The following RSPO3 variants were observed in gnomAD, a reference collection of about 807,000 sequenced individuals.
RSPO3 encodes R-spondin-3.
RSPO3 carries 17 observed loss-of-function variants against 36.5 expected under a neutral mutation model. The observed-to-expected ratio is 0.47, with a 90% confidence interval of 0.32 to 0.70. The LOEUF (loss-of-function observed/expected upper bound fraction) is 0.70. Among genes scored for constraint, RSPO3 ranks in the 30% least tolerant of loss-of-function variants. RSPO3 has a pLI of 0.04. For missense variants in RSPO3, 294 were observed against 322.5 expected (o/e 0.91, Z 0.68); for synonymous variants, 108 against 107.0 (o/e 1.01, Z -0.06).
intron 4 of RSPO3, among the ~76,000 whole-genome samples, chr6:127,186,273 A>G (rs938350119): frequency 5.3e-5 from 8 of 152,156 alleles, no homozygotes; most frequent in Non-Finnish European, 1.5e-5. Flanking sequence ...TTTAAGCACA[A>G]ATGAATGAGC....
intron 4 of RSPO3, among the ~76,000 whole-genome samples, chr6:127,193,500 A>G (rs1775454176): frequency 6.6e-6 from 1 of 152,140 alleles, no homozygotes; most frequent in Non-Finnish European, 1.5e-5. Flanking sequence ...TGGGGTCAGT[A>G]GTTTTTATGG....
intron 1 of RSPO3, among the ~76,000 whole-genome samples, chr6:127,122,465 G>A (rs1425325588): frequency 6.6e-6 from 1 of 152,040 alleles, no homozygotes; most frequent in Admixed American, 6.6e-5. Context: ...TAGTTGCTTG[G>A]GCCCTGAAAT....
At chr6:127,187,700 C>G (rs895752788) in intron 4 of RSPO3, among the ~76,000 whole-genome samples, 4 of 152,032 alleles carry the variant, frequency 2.6e-5, no homozygotes, top group Non-Finnish European at 5.9e-5. Context: ...ATTTCAAAGT[C>G]AAGATAACAA....
chr6:127,122,254 C>A (rs1773860528), intron 1 of RSPO3, among the ~76,000 whole-genome samples: 1 of 152,080 alleles, frequency 6.6e-6, no homozygotes. Flanking sequence ...TAAGACAAGA[C>A]CCTTGTACTT....
At chr6:127,189,843 C>T (rs1478844011) in intron 4 of RSPO3, among the ~76,000 whole-genome samples, 1 of 152,076 alleles carries the variant, frequency 6.6e-6, no homozygotes, top group East Asian at 1.9e-4. Context: ...AATCAGGTAG[C>T]TTTAAATTTC....
chr6:127,149,510 C>A (rs1774449112), intron 2 of RSPO3, among the ~76,000 whole-genome samples: 1 of 152,064 alleles, frequency 6.6e-6, no homozygotes, highest in Admixed American at 6.6e-5. Flanking sequence ...TTGTCCACAT[C>A]TTTGCATAGC....
At chr6:127,150,067 C>T (rs937406059) in intron 2 of RSPO3, among the ~76,000 whole-genome samples, 1 of 151,876 alleles carries the variant, frequency 6.6e-6, no homozygotes, top group Non-Finnish European at 1.5e-5. Context: ...AAGAACAACA[C>T]AAAGATAATA....
rs756357062 is a variant in RSPO3, at chr6:127,196,112, GCT to G, written c.*108_*109del. On this transcript the variant is annotated 3_prime_UTR_variant, in exon 5 of 5. Coordinates refer to ENST00000356698, the MANE Select transcript of RSPO3 (RefSeq NM_032784.5). ...ACCACAAATGGACATGTCAGTTATT[GCT>G]CTGTCTAAACAACATTCCCAGTAGT... 7.4e-6 allele frequency: 7 copies of G among 948,098 alleles called. No individual in the cohort carries two copies. The highest frequency in any genetic ancestry group is 2.7e-5 in the Admixed American group (1 of 37,112). 58.7% of individuals were successfully genotyped at this position (948,098 alleles called of 1,614,324 possible). A position where few individuals can be genotyped will look rare whatever the true frequency, so the allele number is the denominator to read the frequency against.
At chr6:127,157,083 A>C (rs887612737) in intron 4 of RSPO3, among the ~76,000 whole-genome samples, 3 of 152,174 alleles carry the variant, frequency 2.0e-5, no homozygotes, top group Non-Finnish European at 4.4e-5. Context: ...CTGGCTAGTG[A>C]AAAAGGCCTT....
At chr6:127,191,327 G>C (rs2114272668) in intron 4 of RSPO3, among the ~76,000 whole-genome samples, 1 of 152,158 alleles carries the variant, frequency 6.6e-6, no homozygotes, top group Non-Finnish European at 1.5e-5. Context: ...TTTTAAATGT[G>C]GTTGCACATC....
chr6:127,132,191 T>C (rs887368850), intron 1 of RSPO3, among the ~76,000 whole-genome samples: 2 of 152,088 alleles, frequency 1.3e-5, no homozygotes, highest in East Asian at 1.9e-4. Flanking sequence ...TAAATGTTTA[T>C]AGAAATCTTT....
intron 1 of RSPO3, 140 bp from the exon 2 acceptor site, chr6:127,148,508 A>G (rs1774429861): frequency 1.8e-6 from 1 of 554,182 alleles, no homozygotes. Flanking sequence ...AAAAAAAGAT[A>G]GGAAAAAAAA....
At position 127,118,915 on chromosome 6, in the gene RSPO3, G is replaced by A. The variant is rs1773773478; in HGVS notation, c.-278G>A. 1.2e-5 allele frequency: 3 copies of A among 256,262 alleles called. No homozygotes were observed. The East Asian group carries it at 2.1e-4, about 18-fold the overall frequency. 15.9% of individuals were successfully genotyped at this position (256,262 alleles called of 1,614,324 possible). A position where few individuals can be genotyped will look rare whatever the true frequency, so the allele number is the denominator to read the frequency against. Reference sequence around the variant, plus strand: ...CAACATGCTACCTGCGGCCGCCCCGGCGGCTCCTGGAACCCCGGTTCGCGG... The same window carrying A: ...CAACATGCTACCTGCGGCCGCCCCGACGGCTCCTGGAACCCCGGTTCGCGG... On this transcript the variant is annotated 5_prime_UTR_variant, in exon 1 of 5. Transcript: ENST00000356698.
At chr6:127,131,650 GA>G (rs1246115193) in intron 1 of RSPO3, among the ~76,000 whole-genome samples, 1 of 151,970 alleles carries the variant, frequency 6.6e-6, no homozygotes, top group Non-Finnish European at 1.5e-5. Flanking sequence ...ATCTTCCAAA[GA>G]AAAAATAAAG....
chr6:127,153,550 T>G (rs1158707843), intron 3 of RSPO3, among the ~76,000 whole-genome samples: 1 of 152,124 alleles, frequency 6.6e-6, no homozygotes, highest in African/African-American at 2.4e-5. Context: ...GAATTTAATT[T>G]ATAAAACCTT....
chr6:127,184,537 A>T (rs1395087059), intron 4 of RSPO3, among the ~76,000 whole-genome samples: 3 of 151,952 alleles, frequency 2.0e-5, no homozygotes, highest in Non-Finnish European at 2.9e-5. Context: ...TATGCATAGG[A>T]GGTTGACTAT....
intron 1 of RSPO3, among the ~76,000 whole-genome samples, chr6:127,142,110 A>T (rs2114568863): frequency 6.6e-6 from 1 of 152,302 alleles, no homozygotes; most frequent in East Asian, 1.9e-4. Flanking sequence ...TTATCAATAA[A>T]AAATAATAAT....
rs751901896 is a variant in RSPO3, at chr6:127,119,090, A to G, written c.-103A>G. 1.2e-6 allele frequency: 1 copy of G among 829,384 alleles called. No individual in the cohort carries two copies. The highest frequency in any genetic ancestry group is 1.7e-5 in the African/African-American group (1 of 57,240). The allele number at this position is 829,384 out of a possible 1,614,324, so 51.4% of individuals were successfully genotyped here. ...AGAGGAGAAGTCCCGCTGCTCGGGC[A>G]CTGTCTATATACGCCTAACACCTAC... On this transcript the variant is annotated 5_prime_UTR_variant, in exon 1 of 5. Coordinates refer to ENST00000356698, the MANE Select transcript of RSPO3 (RefSeq NM_032784.5).
chr6:127,147,045 C>T (rs988711450), intron 1 of RSPO3, among the ~76,000 whole-genome samples: 8 of 152,110 alleles, frequency 5.3e-5, no homozygotes, highest in African/African-American at 1.9e-4. Flanking sequence ...ACTACCCCGC[C>T]CCCACAGAGG....
Sources: gnomAD v4.1 joint callset for allele counts (sites outside exome capture counted in the v4.1 genomes callset) on GRCh38, gnomAD v4.1.1 for gene constraint, MANE v1.5 for transcripts, NCBI Gene and HGNC (gene_info 2026-07-23, HGNC 2026-07-21) for gene names.